Variants in UBE3A observed in about 807,000 individuals in gnomAD.
The protein encoded by UBE3A is ubiquitin protein ligase E3A.
Under a neutral mutation model 83.4 loss-of-function variants are expected in UBE3A, and 6 were observed. The observed-to-expected ratio is 0.07, with a 90% CI of 0.04 to 0.14. The LOEUF (loss-of-function observed/expected upper bound fraction) is 0.14, where lower values mean the gene tolerates loss of function less well. Ranked by LOEUF, UBE3A falls within the 10% of genes least tolerant of loss-of-function variation. The probability of loss-of-function intolerance (pLI) is 1.00; values close to 1 mark genes in which losing one functional copy is unlikely to be tolerated. For synonymous variants in UBE3A, 337 were observed against 355.4 expected, an observed-to-expected ratio of 0.95 and a Z score of 0.58; for missense variants, 456 against 1,036.1, an observed-to-expected ratio of 0.44 and a Z score of 7.69.
chr15:25,351,591 T>A (rs922778461), intron 11 of UBE3A, among the ~76,000 whole-genome samples: 4 of 152,178 alleles, frequency 2.6e-5, no homozygotes, highest in African/African-American at 9.6e-5. Flanking sequence ...TGCCTCAGCC[T>A]CCCGAGGAGC....
intron 4 of UBE3A, 108 bp downstream of exon 4, chr15:25,405,353 T>G (rs2088250726): frequency 9.9e-6 from 13 of 1,316,964 alleles, no homozygotes; most frequent in African/African-American, 1.5e-5. Context: ...TACTGCTAAA[T>G]GATTCCTTTC....
chr15:25,391,958 G>A (rs561953589), intron 4 of UBE3A, among the ~76,000 whole-genome samples: 2 of 152,266 alleles, frequency 1.3e-5, no homozygotes, highest in South Asian at 4.1e-4. Context: ...AAAGATGGCA[G>A]CAGATTTGGG....
intron 4 of UBE3A, among the ~76,000 whole-genome samples, chr15:25,399,592 A>G (rs8042829): frequency 1.3e-5 from 2 of 152,144 alleles, no homozygotes; most frequent in Admixed American, 6.5e-5. Flanking sequence ...TTTAAAAGAC[A>G]GGGTCTCACG....
At chr15:25,436,667 G>GT (rs1402819339) in intron 1 of UBE3A, among the ~76,000 whole-genome samples, 1 of 152,084 alleles carries the variant, frequency 6.6e-6, no homozygotes, top group African/African-American at 2.4e-5. Flanking sequence ...AATAAATCCT[G>GT]TTAAATGGAC....
At chr15:25,404,351 A>C (rs1490364074) in intron 4 of UBE3A, among the ~76,000 whole-genome samples, 1 of 152,168 alleles carries the variant, frequency 6.6e-6, no homozygotes, top group Non-Finnish European at 1.5e-5. Context: ...ATTCAAGGTC[A>C]ATCACTATAT....
At chr15:25,363,486 A>G (rs906389130) in intron 6 of UBE3A, among the ~76,000 whole-genome samples, 23 of 152,182 alleles carry the variant, frequency 1.5e-4, no homozygotes, top group Admixed American at 1.4e-3. Flanking sequence ...TAATCTTCAC[A>G]ACACCCTTAT....
At chr15:25,377,784 G>A (rs1041958474) in intron 4 of UBE3A, among the ~76,000 whole-genome samples, 1 of 151,970 alleles carries the variant, frequency 6.6e-6, no homozygotes, top group Non-Finnish European at 1.5e-5. Context: ...TCTAATAAAA[G>A]ATTACTTAAA....
At chr15:25,429,141 CA>C (rs1448591612) in intron 1 of UBE3A, among the ~76,000 whole-genome samples, 1 of 152,044 alleles carries the variant, frequency 6.6e-6, no homozygotes, top group Non-Finnish European at 1.5e-5. Flanking sequence ...AAATTTAATA[CA>C]AAAACCAACA....
chr15:25,366,541 C>A (rs2079130402), intron 6 of UBE3A, among the ~76,000 whole-genome samples: 1 of 152,060 alleles, frequency 6.6e-6, no homozygotes, highest in African/African-American at 2.4e-5. Flanking sequence ...TATTTTTGAA[C>A]TTCCCTATTC....
chr15:25,364,768 C>T (rs1330072299), intron 6 of UBE3A, among the ~76,000 whole-genome samples: 2 of 151,840 alleles, frequency 1.3e-5, no homozygotes, highest in Non-Finnish European at 2.9e-5. Context: ...CTCAGCCTCC[C>T]GAGTAGCTGG....
chr15:25,352,090 G>A (rs34630366), intron 11 of UBE3A, among the ~76,000 whole-genome samples: 114 of 152,270 alleles, frequency 7.5e-4, no homozygotes, highest in Middle Eastern at 6.8e-3. Flanking sequence ...AGCTACTCAG[G>A]AGGCTGAGGC....
chr15:25,400,625 T>C (rs1280027019), intron 4 of UBE3A, among the ~76,000 whole-genome samples: 1 of 152,228 alleles, frequency 6.6e-6, no homozygotes, highest in Non-Finnish European at 1.5e-5. Flanking sequence ...GTCATTAATG[T>C]ACAGAAATTC....
rs778264299 is a variant in UBE3A, at chr15:25,371,840, A to G, written c.362-28T>C. The G allele has an allele frequency of 1.9e-6, 3 of 1,590,858 alleles. No homozygotes were observed. Among genetic ancestry groups the G allele is most frequent in the East Asian group, 4.5e-5 (2 of 44,706 alleles). On this transcript the variant is annotated intron_variant, in intron 5 of 12. Transcript: ENST00000648336. The surrounding 1 kb of genome is among the most constrained non-coding windows in gnomAD (Gnocchi z 5.3). Reference sequence around the variant, plus strand: ...AGAAAATCAGAGGAAAAAAGAGAACATTTATTTTCATAATATGTATGTTTA... The same window carrying G: ...AGAAAATCAGAGGAAAAAAGAGAACGTTTATTTTCATAATATGTATGTTTA...
At chr15:25,339,440 C>T in intron 12 of UBE3A, 183 bp from the exon 13 acceptor site, 1 of 652,156 alleles carries the variant, frequency 1.5e-6, no homozygotes, top group South Asian at 2.2e-5. Context: ...CTATAAATTA[C>T]TCAAAGCTAG....
intron 6 of UBE3A, among the ~76,000 whole-genome samples, chr15:25,360,871 G>A (rs2152732486): frequency 6.6e-6 from 1 of 152,204 alleles, no homozygotes; most frequent in Middle Eastern, 3.4e-3. Context: ...CAAAAACAAT[G>A]GAGTAGAGGT....
At chr15:25,417,629 AAT>A (rs1342015831) in intron 1 of UBE3A, among the ~76,000 whole-genome samples, 1 of 152,078 alleles carries the variant, frequency 6.6e-6, no homozygotes, top group African/African-American at 2.4e-5. Flanking sequence ...AATTTCTTGA[AAT>A]ATAAAGCGAA....
Position 25,338,856 on chromosome 15 carries a change from A to G in UBE3A, c.*281T>C, listed in dbSNP as rs1022130450. ...TCAGAAAAACCTCTCTGTACATACA[A>G]GTGAAAGAATATGTAACACTTTCAC... On this transcript the variant is annotated 3_prime_UTR_variant, in exon 13 of 13. Transcript: ENST00000648336. 1 of 175,520 alleles carries G rather than the reference A, an allele frequency of 5.7e-6. No homozygotes were observed. Among genetic ancestry groups the G allele is most frequent in the African/African-American group, 2.4e-5 (1 of 42,102 alleles). The allele number at this position is 175,520 out of a possible 1,614,324, so 10.9% of individuals were successfully genotyped here. A position where few individuals can be genotyped will look rare whatever the true frequency, so the allele number is the denominator to read the frequency against.
rs1267117942 is a variant in UBE3A at position 25,333,968 on chromosome 15, A to G, written c.*5169T>C. On this transcript the variant is annotated 3_prime_UTR_variant, in exon 13 of 13. Transcript: ENST00000648336. ...AAAGAATTTCCTCAACTTGAAGCAA[A>G]CCCACAGCTAGCTAACATCATACTC... The G allele has an allele frequency of 6.6e-6, 1 of 152,038 alleles. No individual in the cohort carries two copies. Among genetic ancestry groups the G allele is most frequent in the Non-Finnish European group, 1.5e-5 (1 of 68,018 alleles). The allele number at this position is 152,038 out of a possible 1,614,324, so 9.4% of individuals were successfully genotyped here.
At chr15:25,359,860 G>T (rs1232219044) in intron 7 of UBE3A, among the ~76,000 whole-genome samples, 2 of 152,132 alleles carry the variant, frequency 1.3e-5, no homozygotes, top group Non-Finnish European at 2.9e-5. Context: ...GGCAGAAAAA[G>T]AGTTCTGGAG....
Sources: gnomAD v4.1 joint callset for allele counts (sites outside exome capture counted in the v4.1 genomes callset) on GRCh38, gnomAD v4.1.1 for gene constraint, Gnocchi (gnomAD v3.1) non-coding constraint, MANE v1.5 for transcripts, NCBI Gene and HGNC (gene_info 2026-07-23, HGNC 2026-07-21) for gene names.